The following MSRB3 variants were observed in gnomAD, a reference collection of about 807,000 sequenced individuals.
MSRB3 encodes methionine sulfoxide reductase B3, also known as methionine-R-sulfoxide reductase B3.
In MSRB3, 13 loss-of-function variants were observed where a neutral mutation model predicts 21.0. The observed-to-expected ratio is 0.62, with a 90% CI of 0.40 to 0.98. The LOEUF (loss-of-function observed/expected upper bound fraction) is 0.98, where lower values mean the gene tolerates loss of function less well. Among genes scored for constraint, MSRB3 ranks in the 50% least tolerant of loss-of-function variants. The probability of loss-of-function intolerance (pLI) is 0.00; values close to 1 mark genes in which losing one functional copy is unlikely to be tolerated. For missense variants in MSRB3, 199 were observed against 230.3 expected, an observed-to-expected ratio of 0.86 and a Z score of 0.88; for synonymous variants, 87 against 88.6, an observed-to-expected ratio of 0.98 and a Z score of 0.10.
intron 4 of MSRB3, among the ~76,000 whole-genome samples, chr12:65,367,684 T>C (rs780478445): frequency 1.0e-3 from 154 of 152,132 alleles, no homozygotes; most frequent in Non-Finnish European, 1.0e-3. Context: ...AGACAAGGCT[T>C]TGCAGAATTG....
At chr12:65,351,361 GA>G (rs1231700950) in intron 4 of MSRB3, among the ~76,000 whole-genome samples, 2 of 144,710 alleles carry the variant, frequency 1.4e-5, no homozygotes, top group Non-Finnish European at 3.0e-5. Flanking sequence ...GAGAAAGCAG[GA>G]AAGATCCAAA....
In MSRB3 at chr12:65,280,660, TTAAGA is replaced by T. The variant is rs141391652; in HGVS notation, c.-52+1800_-52+1804del. Among the ~76,000 whole-genome samples, 1,398 of 152,356 alleles carry T rather than the reference TTAAGA, an allele frequency of 9.2e-3. 23 individuals carry two copies. The highest frequency in any genetic ancestry group is 0.033 in the African/African-American group (1,352 of 41,572). On this transcript the variant is annotated intron_variant, in intron 1 of 6. Coordinates refer to ENST00000308259, the MANE Select transcript of MSRB3 (RefSeq NM_001031679.3). ...ATATGAATATCTGGAAATTTTTATA[TTAAGA>T]TAAGTAGCTCTTTGCTACTTATCTA... is the stretch of plus-strand genomic sequence containing the variant.
intron 4 of MSRB3, among the ~76,000 whole-genome samples, chr12:65,337,454 A>G (rs1875857344): frequency 6.6e-6 from 1 of 151,120 alleles, no homozygotes; most frequent in South Asian, 2.1e-4. Flanking sequence ...AAAAAAAAAA[A>G]AAAGTTTCAG....
chr12:65,347,597 C>T (rs964203521), intron 4 of MSRB3, among the ~76,000 whole-genome samples: 7 of 152,158 alleles, frequency 4.6e-5, no homozygotes, highest in African/African-American at 1.7e-4. Flanking sequence ...TGCCTAATTG[C>T]CCTGGCCAGA....
chr12:65,278,952 A>C, intron 1 of MSRB3, 87 bp downstream of exon 1: 1 of 1,498,136 alleles, frequency 6.7e-7, no homozygotes, highest in Non-Finnish European at 9.0e-7. Flanking sequence ...CCGAGCCGGG[A>C]TTCCATTCTG....
At chr12:65,343,736 G>A (rs1399541157) in intron 4 of MSRB3, among the ~76,000 whole-genome samples, 2 of 151,984 alleles carry the variant, frequency 1.3e-5, no homozygotes, top group Admixed American at 6.6e-5. Flanking sequence ...TGTCTGTCTG[G>A]CCCCTAAGGC....
At chr12:65,449,373 G>T (rs1351039840) in intron 5 of MSRB3, among the ~76,000 whole-genome samples, 2 of 152,040 alleles carry the variant, frequency 1.3e-5, no homozygotes, top group African/African-American at 4.8e-5. Context: ...TAGAGAGTTG[G>T]ATTATTTATT....
At chr12:65,432,314 C>T (rs1444820849) in intron 5 of MSRB3, among the ~76,000 whole-genome samples, 2 of 151,872 alleles carry the variant, frequency 1.3e-5, no homozygotes, top group East Asian at 3.9e-4. Context: ...TTATAACAAG[C>T]TGAAATGTTA....
chr12:65,409,434 T>C (rs143208649), intron 5 of MSRB3, among the ~76,000 whole-genome samples: 43 of 152,194 alleles, frequency 2.8e-4, no homozygotes, highest in African/African-American at 1.0e-3. Flanking sequence ...GTGTTAAGTA[T>C]TTGTGTATCT....
At chr12:65,379,111 G>A (rs1426994233) in intron 5 of MSRB3, among the ~76,000 whole-genome samples, 1 of 152,102 alleles carries the variant, frequency 6.6e-6, no homozygotes, top group African/African-American at 2.4e-5. Context: ...GATGGTCCTG[G>A]CTAGTGAGAC....
chr12:65,392,714 T>C (rs546015413), intron 5 of MSRB3, among the ~76,000 whole-genome samples: 9 of 152,298 alleles, frequency 5.9e-5, no homozygotes, highest in African/African-American at 2.2e-4. Flanking sequence ...GTTGCGAGCG[T>C]GTAAATTTGG....
intron 5 of MSRB3, among the ~76,000 whole-genome samples, chr12:65,376,732 T>C (rs1179708611): frequency 6.6e-6 from 1 of 152,134 alleles, no homozygotes; most frequent in African/African-American, 2.4e-5. Flanking sequence ...CTAATGTAGA[T>C]GACGGGTTGA....
chr12:65,417,296 C>T (rs1881030775), intron 5 of MSRB3, among the ~76,000 whole-genome samples: 1 of 152,130 alleles, frequency 6.6e-6, no homozygotes, highest in Non-Finnish European at 1.5e-5. Context: ...AGAACTCTAT[C>T]TCTAACCTTT....
intron 4 of MSRB3, among the ~76,000 whole-genome samples, chr12:65,346,115 G>A (rs1262303628): frequency 3.0e-3 from 450 of 152,218 alleles, no homozygotes; most frequent in African/African-American, 9.9e-3. Context: ...TGGGATGGCT[G>A]GGTCAAATGG....
At chr12:65,423,144 T>C (rs1160534860) in intron 5 of MSRB3, among the ~76,000 whole-genome samples, 2 of 151,898 alleles carry the variant, frequency 1.3e-5, no homozygotes, top group African/African-American at 2.4e-5. Context: ...GTATTTTTAG[T>C]AGAGATGGGG....
At position 65,452,956 on chromosome 12, in the gene MSRB3, C is replaced by T. The variant is rs75164447; in HGVS notation, c.293-772C>T. ...TAAAAACATGCCCATAAGTACTGAA[C>T]ATAAAACCTGACTGTACACTCAAAA... On this transcript the variant is annotated intron_variant, in intron 5 of 6. Transcript: ENST00000308259. Among the ~76,000 whole-genome samples the T allele has an allele frequency of 9.5e-4, 144 of 152,236 alleles. 3 individuals are homozygous for T. In the East Asian group the frequency reaches 0.025, roughly 26 times the overall value.
chr12:65,390,395 A>G lies in MSRB3; in HGVS notation c.292+21369A>G, dbSNP rs1484122328. 2.0e-5 allele frequency among the ~76,000 whole-genome samples: 3 copies of G among 152,330 alleles called. No individual in the cohort carries two copies. In the East Asian group the frequency reaches 5.8e-4, roughly 29 times the overall value. ...TCATAGGAATAACCTAATAAAAAAAAATCAAAGGAAAACTGAAGAATTACT... is the reference window on the plus strand; with the variant it reads ...TCATAGGAATAACCTAATAAAAAAAGATCAAAGGAAAACTGAAGAATTACT... On this transcript the variant is annotated intron_variant, in intron 5 of 6. Coordinates refer to ENST00000308259, the MANE Select transcript of MSRB3 (RefSeq NM_001031679.3).
At chr12:65,361,705 T>A (rs1459845257) in intron 4 of MSRB3, among the ~76,000 whole-genome samples, 2 of 152,166 alleles carry the variant, frequency 1.3e-5, no homozygotes, top group African/African-American at 4.8e-5. Context: ...AATTTAGTGA[T>A]ATATCTTAAC....
intron 5 of MSRB3, chr12:65,418,670 T>G: frequency 1.5e-6 from 1 of 664,834 alleles, no homozygotes; most frequent in South Asian, 1.7e-5. Context: ...TTTTAACCTC[T>G]GAACTTTTTA....
Sources: gnomAD v4.1 joint callset for allele counts (sites outside exome capture counted in the v4.1 genomes callset) on GRCh38, gnomAD v4.1.1 for gene constraint, MANE v1.5 for transcripts, NCBI Gene and HGNC (gene_info 2026-07-23, HGNC 2026-07-21) for gene names.